Variants in PIK3CD observed in about 807,000 individuals in gnomAD.
The protein encoded by PIK3CD is phosphatidylinositol 4,5-bisphosphate 3-kinase catalytic subunit delta isoform.
A neutral mutation model predicts 122.9 loss-of-function variants in PIK3CD; 20 were observed. That is an observed-to-expected ratio of 0.16 (90% CI 0.11 to 0.24). PIK3CD has a LOEUF of 0.24. Among genes scored for constraint, PIK3CD ranks in the 10% least tolerant of loss-of-function variants. PIK3CD has a pLI of 1.00. For synonymous variants in PIK3CD, 596 were observed against 593.4 expected, an observed-to-expected ratio of 1.00 and a Z score of -0.06; for missense variants, 787 against 1,406.3, an observed-to-expected ratio of 0.56 and a Z score of 7.04.
At position 9,721,144 on chromosome 1, in the gene PIK3CD, C is replaced by T. The variant is rs1442869569; in HGVS notation, c.1707C>T (p.Cys569=). The part of the protein sequence containing the change: ...EDVAQMLYLL[C]SWPELPVLSA... The stretch of plus-strand genomic sequence containing the variant: ...CCCCCCAGATGCTCTACCTGCTGTG[C>T]TCCTGGCCGGAGCTGCCCGTCCTGA... The change falls in exon 14 of 24, where the codon TGC becomes TGT. Residue 569 remains cysteine, a synonymous_variant. Coordinates refer to ENST00000377346, the MANE Select transcript of PIK3CD (RefSeq NM_005026.5). 3 of 1,612,354 alleles carry T rather than the reference C, an allele frequency of 1.9e-6. No individual in the cohort carries two copies. Among genetic ancestry groups the T allele is most frequent in the Admixed American group, 3.3e-5 (2 of 60,028 alleles).
the PIK3CD span, among the ~76,000 whole-genome samples, chr1:9,646,522 G>A: frequency 6.6e-6 from 1 of 152,234 alleles, no homozygotes; most frequent in Admixed American, 6.5e-5. Flanking sequence ...TTCCAGAGGT[G>A]GGGAACTGTG....
chr1:9,648,452 G>A (rs149775766), upstream of PIK3CD, among the ~76,000 whole-genome samples: 13 of 152,334 alleles, frequency 8.5e-5, no homozygotes, highest in East Asian at 1.9e-3. Flanking sequence ...AGAGGGCAGC[G>A]TTGAAAGTGC....
intron 1 of PIK3CD, chr1:9,653,324 T>G: frequency 5.8e-6 from 1 of 172,168 alleles, no homozygotes; most frequent in Non-Finnish European, 1.3e-5. Context: ...CTAGGTGATT[T>G]CAGCTGGACA....
the PIK3CD span, among the ~76,000 whole-genome samples, chr1:9,638,746 A>C: frequency 6.6e-6 from 1 of 150,758 alleles, no homozygotes; most frequent in East Asian, 2.0e-4. Context: ...AAAAAAAAAA[A>C]AAAACTTCAA....
At chr1:9,687,495 CA>C (rs1646009869) in intron 1 of PIK3CD, 1 of 152,086 alleles carries the variant, frequency 6.6e-6, no homozygotes, top group African/African-American at 2.4e-5. Context: ...TCGGCTGAGT[CA>C]GGGGGTCCCA....
chr1:9,707,538 C>T (rs979058942), intron 2 of PIK3CD, among the ~76,000 whole-genome samples: 6 of 151,918 alleles, frequency 3.9e-5, no homozygotes, highest in African/African-American at 1.2e-4. Context: ...CTCAGGCCCC[C>T]GTGTGTGCTG....
Position 9,727,050 on chromosome 1 carries a change from C to T in PIK3CD, c.*4C>T. ...GTCCAAAGACAACAGGCAGTAGTGG[C>T]TCCTCCCAGCCCTGGGCCCAAGAGG... On this transcript the variant is annotated 3_prime_UTR_variant, in exon 24 of 24. Coordinates refer to ENST00000377346, the MANE Select transcript of PIK3CD (RefSeq NM_005026.5). The T allele has an allele frequency of 6.2e-7, 1 of 1,614,066 alleles. No homozygotes were observed. The highest frequency in any genetic ancestry group is 1.1e-5 in the South Asian group (1 of 91,080).
In PIK3CD at chr1:9,715,395, G is replaced by A. The variant is rs1158931731; in HGVS notation, c.142-146G>A. On this transcript the variant is annotated intron_variant, in intron 3 of 23. Transcript: ENST00000377346. This position sits in a 1 kb window ranked among gnomAD's most constrained non-coding sequence, Gnocchi z 4.1. ...ACCCATGGTCAGCACCCAGGGGGCT[G>A]CAGAGAGTGCAGATCTTGGGGTCTG... is the stretch of plus-strand genomic sequence containing the variant. The A allele has an allele frequency of 1.0e-5, 7 of 688,254 alleles. No homozygotes were observed. The Admixed American group carries it at 1.3e-4, about 13-fold the overall frequency. The allele number at this position is 688,254 out of a possible 1,614,324, so 42.6% of individuals were successfully genotyped here. A position where few individuals can be genotyped will look rare whatever the true frequency, so the allele number is the denominator to read the frequency against.
the PIK3CD span, among the ~76,000 whole-genome samples, chr1:9,638,347 C>T: frequency 6.6e-6 from 1 of 151,990 alleles, no homozygotes; most frequent in African/African-American, 2.4e-5. Flanking sequence ...TGCAGCTTTT[C>T]ACTCCCTGTG....
intron 1 of PIK3CD, among the ~76,000 whole-genome samples, chr1:9,666,227 C>CTGTTTTTT (rs1645153346): frequency 2.3e-5 from 1 of 44,198 alleles, no homozygotes; most frequent in East Asian, 1.1e-3. Flanking sequence ...CGCGCCCGGT[C>CTGTTTTTT]TTTTTTTTTT....
intron 2 of PIK3CD, among the ~76,000 whole-genome samples, chr1:9,705,813 T>C (rs1415519215): frequency 1.3e-5 from 2 of 152,150 alleles, no homozygotes; most frequent in Non-Finnish European, 2.9e-5. Context: ...AATTTGACAA[T>C]ACCAAGTGTT....
chr1:9,720,877 A>G lies in PIK3CD; in HGVS notation c.1657A>G (p.Thr553Ala). 1.9e-6 allele frequency: 3 copies of G among 1,603,920 alleles called. No homozygotes were observed. Among genetic ancestry groups the G allele is most frequent in the Non-Finnish European group, 2.6e-6 (3 of 1,175,540 alleles). ...PEALARLLLV[T>A]KWNKHEDVAQ... ...GGCGCTAGCCCGGCTGCTGCTGGTC[A>G]CCAAGTGGAACAAGCATGAGGATGT... is the stretch of plus-strand genomic sequence containing the variant. The change falls in exon 13 of 24, where the codon ACC becomes GCC. Residue 553 changes from threonine (T) to alanine (A), a missense_variant. Physicochemically the swap from Thr to Ala is moderately conservative, Grantham distance 58. Coordinates refer to ENST00000377346, the MANE Select transcript of PIK3CD (RefSeq NM_005026.5). The surrounding 1 kb of genome is among the most constrained non-coding windows in gnomAD (Gnocchi z 9.0).
rs1646124894 is a variant in PIK3CD, at chr1:9,689,743, G to C, written c.-137-1724G>C. ...CCCGGTACGGAGCCCACCTGTGCGGGCGTCTGCGGGGTCCCCGTGCCCCGC... is the reference window on the plus strand; with the variant it reads ...CCCGGTACGGAGCCCACCTGTGCGGCCGTCTGCGGGGTCCCCGTGCCCCGC... On this transcript the variant is annotated intron_variant, in intron 1 of 23. Transcript: ENST00000377346. This position sits in a 1 kb window ranked among gnomAD's most constrained non-coding sequence, Gnocchi z 6.1. 6.6e-6 allele frequency among the ~76,000 whole-genome samples: 1 copy of C among 151,006 alleles called. No individual in the cohort carries two copies. Among genetic ancestry groups the C allele is most frequent in the South Asian group, 2.1e-4 (1 of 4,790 alleles).
chr1:9,675,829 G>A (rs535514459), intron 1 of PIK3CD, among the ~76,000 whole-genome samples: 32 of 151,792 alleles, frequency 2.1e-4, no homozygotes, highest in Non-Finnish European at 3.4e-4. Context: ...GCAGTGCTGC[G>A]ATCATAGTTT....
At chr1:9,693,608 A>G (rs1307509418) in intron 2 of PIK3CD, among the ~76,000 whole-genome samples, 1 of 152,066 alleles carries the variant, frequency 6.6e-6, no homozygotes, top group Non-Finnish European at 1.5e-5. Flanking sequence ...AAACATAACA[A>G]TCGAACATAT....
In PIK3CD at chr1:9,652,466, G is replaced by T. The variant is rs1644706519; in HGVS notation, c.-138+664G>T. On this transcript the variant is annotated intron_variant, in intron 1 of 23. Transcript: ENST00000377346. The surrounding 1 kb of genome is among the most constrained non-coding windows in gnomAD (Gnocchi z 6.2). ...CGCCTCCCAGTCCCGGGCCTCCCGC[G>T]TTGCTCGCCGCGTTTGCTGCAGCGG... The T allele has an allele frequency of 6.6e-6, 1 of 152,344 alleles. No homozygotes were observed. Among genetic ancestry groups the T allele is most frequent in the East Asian group, 1.9e-4 (1 of 5,174 alleles). The allele number at this position is 152,344 out of a possible 1,614,324, so 9.4% of individuals were successfully genotyped here.
rs1033414967 is a variant in PIK3CD at position 9,718,559 on chromosome 1, C to G, written c.1021-135C>G. The G allele has an allele frequency of 2.3e-6, 2 of 855,318 alleles. No homozygotes were observed. Among genetic ancestry groups the G allele is most frequent in the Non-Finnish European group, 3.8e-6 (2 of 527,480 alleles). 53.0% of individuals were successfully genotyped at this position (855,318 alleles called of 1,614,324 possible). A position where few individuals can be genotyped will look rare whatever the true frequency, so the allele number is the denominator to read the frequency against. ...TGCCCCTCAGGCCTTCCCTGTGCTG[C>G]ACCACCTTCCTTCGTGTGGGAAGTA... is the stretch of plus-strand genomic sequence containing the variant. On this transcript the variant is annotated intron_variant, in intron 8 of 23. Coordinates refer to ENST00000377346, the MANE Select transcript of PIK3CD (RefSeq NM_005026.5). This position sits in a 1 kb window ranked among gnomAD's most constrained non-coding sequence, Gnocchi z 7.2.
chr1:9,695,564 C>A (rs865988076), intron 2 of PIK3CD, among the ~76,000 whole-genome samples: 1 of 152,178 alleles, frequency 6.6e-6, no homozygotes, highest in Admixed American at 6.5e-5. Flanking sequence ...ACAAGACAGG[C>A]CAGGCGCAAT....
chr1:9,628,267 G>A, the PIK3CD span, among the ~76,000 whole-genome samples: 11 of 152,182 alleles, frequency 7.2e-5, no homozygotes, highest in East Asian at 1.9e-3. Flanking sequence ...GTGCCACTGC[G>A]CTCCAGCCTG....
Sources: gnomAD v4.1 joint callset for allele counts (sites outside exome capture counted in the v4.1 genomes callset) on GRCh38, gnomAD v4.1.1 for gene constraint, Gnocchi (gnomAD v3.1) non-coding constraint, MANE v1.5 for transcripts, NCBI Gene and HGNC (gene_info 2026-07-23, HGNC 2026-07-21) for gene names.